The following TMEM168 variants were observed in gnomAD, a reference collection of about 807,000 sequenced individuals.
TMEM168 encodes the protein transmembrane protein 168.
TMEM168 carries 40 observed loss-of-function variants against 53.2 expected under a neutral mutation model. The observed-to-expected ratio is 0.75, with a 90% CI of 0.58 to 0.98. The LOEUF (loss-of-function observed/expected upper bound fraction) is 0.98. Among genes scored for constraint, TMEM168 ranks in the 50% least tolerant of loss-of-function variants. The pLI, the probability that TMEM168 is intolerant of heterozygous loss-of-function variation, is 0.00. For synonymous variants in TMEM168, 282 were observed against 293.0 expected (o/e 0.96, Z 0.38); for missense variants, 771 against 828.8 (o/e 0.93, Z 0.86).
At chr7:112,775,430 G>T in intron 2 of TMEM168, 112 bp from the exon 3 acceptor site, 1 of 951,536 alleles carries the variant, frequency 1.1e-6, no homozygotes, top group Non-Finnish European at 1.5e-6. Context: ...AGGATAAAAG[G>T]AACAATTAAT....
At chr7:112,773,510 AAAATTGTGTTC>A (rs1351060733) in intron 3 of TMEM168, among the ~76,000 whole-genome samples, 1 of 152,086 alleles carries the variant, frequency 6.6e-6, no homozygotes, top group Non-Finnish European at 1.5e-5. Flanking sequence ...AATAGTCAAT[AAAATTGTGTTC>A]AAATTTTATT....
At chr7:112,789,723 C>A (rs1489239944) in intron 1 of TMEM168, among the ~76,000 whole-genome samples, 1 of 152,196 alleles carries the variant, frequency 6.6e-6, no homozygotes, top group African/African-American at 2.4e-5. Context: ...AAGAACTACA[C>A]TGAAAAAACA....
chr7:112,786,245 T>C (rs779443524), intron 1 of TMEM168, among the ~76,000 whole-genome samples: 15 of 152,146 alleles, frequency 9.9e-5, no homozygotes, highest in Admixed American at 2.6e-4. Flanking sequence ...ATTAGTTTAT[T>C]TGTACTTTCT....
chr7:112,784,190 T>C lies in TMEM168; in HGVS notation c.636A>G (p.Leu212=), dbSNP rs200030600. ...IPNLVIFAVL[L]FFSSLETPKN... is the part of the protein sequence containing the mutation. ...TGGGAGTTTCCAATGAGGAAAAAAA[T>C]AACAAAACTGCAAAAATAACTAAGT... The change falls in exon 2 of 5, where the codon TTA becomes TTG. Residue 212 remains leucine, a synonymous_variant. Transcript: ENST00000312814. 1.2e-5 allele frequency: 20 copies of C among 1,613,044 alleles called. No homozygotes were observed. In the East Asian group the frequency reaches 4.2e-4, roughly 34 times the overall value.
At chr7:112,776,464 A>G (rs968004649) in intron 2 of TMEM168, among the ~76,000 whole-genome samples, 5 of 152,080 alleles carry the variant, frequency 3.3e-5, no homozygotes, top group Non-Finnish European at 7.4e-5. Context: ...GCCTAGGTGC[A>G]TGAACACATA....
At chr7:112,774,480 G>GTA (rs2116251223) in intron 3 of TMEM168, among the ~76,000 whole-genome samples, 1 of 147,294 alleles carries the variant, frequency 6.8e-6, no homozygotes, top group African/African-American at 2.5e-5. Flanking sequence ...TAGTTATAGT[G>GTA]TACCAAAGGT....
Position 112,783,700 on chromosome 7 carries a change from G to A in TMEM168, c.1126C>T (p.Gln376Ter). 6.7e-7 allele frequency: 1 copy of A among 1,489,788 alleles called. No homozygotes were observed. The highest frequency in any genetic ancestry group is 8.9e-7 in the Non-Finnish European group (1 of 1,121,462). 92.3% of individuals were successfully genotyped at this position (1,489,788 alleles called of 1,614,324 possible). A position where few individuals can be genotyped will look rare whatever the true frequency, so the allele number is the denominator to read the frequency against. Residue 376 changes from glutamine (Q) to a stop codon, truncating the protein, a stop_gained and splice_region_variant, in exon 2 of 5, where the codon CAG (glutamine) becomes TAG (stop). Coordinates refer to ENST00000312814, the MANE Select transcript of TMEM168 (RefSeq NM_022484.6). LOFTEE classifies it high-confidence loss of function. Reference protein sequence around the residue: ...ATAILGAVSWQPTNGIFLSMF... With the variant: ...ATAILGAVSW ...TGCTGGACAAACAATAAGCTTACCTGCCAGGAAACTGCTCCCAAAATCGCT... is the reference window on the plus strand; with the variant it reads ...TGCTGGACAAACAATAAGCTTACCTACCAGGAAACTGCTCCCAAAATCGCT...
intron 3 of TMEM168, among the ~76,000 whole-genome samples, chr7:112,774,870 C>T (rs899433400): frequency 6.6e-6 from 1 of 152,002 alleles, no homozygotes; most frequent in African/African-American, 2.4e-5. Context: ...TGTGAGCCAC[C>T]ACGACCAGCC....
At chr7:112,770,364 T>C (rs369574382) in intron 4 of TMEM168, among the ~76,000 whole-genome samples, 1 of 152,170 alleles carries the variant, frequency 6.6e-6, no homozygotes, top group Non-Finnish European at 1.5e-5. Context: ...GCTTTCTCTC[T>C]CTTTTTTTTA....
At position 112,785,014 on chromosome 7, in the gene TMEM168, T is replaced by C. The variant is rs1374374314; in HGVS notation, c.-128-61A>G. The C allele has an allele frequency of 5.9e-5, 26 of 439,506 alleles. No individual in the cohort carries two copies. The South Asian group carries it at 1.2e-3, about 21-fold the overall frequency. 27.2% of individuals were successfully genotyped at this position (439,506 alleles called of 1,614,324 possible). A position where few individuals can be genotyped will look rare whatever the true frequency, so the allele number is the denominator to read the frequency against. The stretch of plus-strand genomic sequence containing the variant: ...TATATAATTTACTCATTATTTTATA[T>C]AAAGATGCATATAGAAAGTGAAAAA... On this transcript the variant is annotated intron_variant, in intron 1 of 4. Coordinates refer to ENST00000312814, the MANE Select transcript of TMEM168 (RefSeq NM_022484.6).
In TMEM168 at chr7:112,765,495, A is replaced by ATTAAC. The variant is rs1195835188; in HGVS notation, c.*1697_*1701dup. 6.6e-6 allele frequency: 1 copy of ATTAAC among 152,188 alleles called. No individual in the cohort carries two copies. The highest frequency in any genetic ancestry group is 1.5e-5 in the Non-Finnish European group (1 of 68,024). The allele number at this position is 152,188 out of a possible 1,614,324, so 9.4% of individuals were successfully genotyped here. On this transcript the variant is annotated 3_prime_UTR_variant, in exon 5 of 5. Transcript: ENST00000312814. ...AATTTAAAAGGAGATTTTACTTAAC[A>ATTAAC]TTAACTTTTTTTAAGCTAAAAGCTC... is the stretch of plus-strand genomic sequence containing the variant.
rs760899014 is a variant in TMEM168, at chr7:112,783,777, C to T, written c.1049G>A (p.Arg350His). 30 of 1,585,012 alleles carry T rather than the reference C, an allele frequency of 1.9e-5. No homozygotes were observed. Among genetic ancestry groups the T allele is most frequent in the Middle Eastern group, 1.7e-4 (1 of 5,964 alleles). ...CTGCTCTGAAATCAAGCAAAAATGG[C>T]GCATCCCTTTGGATGCCATGATTCT... is the stretch of plus-strand genomic sequence containing the variant. The part of the protein sequence containing the change: ...LDRIMASKGM[R>H]HFCLISEQLV... The change falls in exon 2 of 5, where the codon CGC (arginine) becomes CAC (histidine). Residue 350 changes from arginine to histidine, a missense_variant. Transcript: ENST00000312814.
At chr7:112,776,490 G>T (rs1793087826) in intron 2 of TMEM168, among the ~76,000 whole-genome samples, 1 of 151,878 alleles carries the variant, frequency 6.6e-6, no homozygotes, top group Non-Finnish European at 1.5e-5. Context: ...AACACTAAGG[G>T]GTGGTTCACT....
rs1443859669 is a variant in TMEM168 at position 112,762,452 on chromosome 7, A to G, written c.*4745T>C. 1 of 152,038 alleles carries G rather than the reference A, an allele frequency of 6.6e-6. No individual in the cohort carries two copies. The highest frequency in any genetic ancestry group is 1.5e-5 in the Non-Finnish European group (1 of 67,906). The allele number at this position is 152,038 out of a possible 1,614,324, so 9.4% of individuals were successfully genotyped here. A position where few individuals can be genotyped will look rare whatever the true frequency, so the allele number is the denominator to read the frequency against. On this transcript the variant is annotated 3_prime_UTR_variant, in exon 5 of 5. Transcript: ENST00000312814. ...ACTTAGAAAAGTTTACTTGGCATTGAGTGAACACTGCTTGTCTAGGAAGCT... is the reference window on the plus strand; with the variant it reads ...ACTTAGAAAAGTTTACTTGGCATTGGGTGAACACTGCTTGTCTAGGAAGCT...
rs1022897346 is a variant in TMEM168 at position 112,784,812 on chromosome 7, A to G, written c.14T>C (p.Leu5Pro). Residue 5 changes from leucine to proline, a missense_variant, in exon 2 of 5, where the codon CTG (leucine) becomes CCG (proline). Coordinates refer to ENST00000312814, the MANE Select transcript of TMEM168 (RefSeq NM_022484.6). The part of the protein sequence containing the change: MCKS[L>P]RYCFSHCLYL... Reference sequence around the variant, plus strand: ...GAGACAATGACTAAAGCAATAACGCAGTGATTTACACATGTAACCAGCAAT... The same window carrying G: ...GAGACAATGACTAAAGCAATAACGCGGTGATTTACACATGTAACCAGCAAT... 1 of 1,589,648 alleles carries G rather than the reference A, an allele frequency of 6.3e-7. No homozygotes were observed. The highest frequency in any genetic ancestry group is 8.5e-7 in the Non-Finnish European group (1 of 1,172,630).
intron 2 of TMEM168, among the ~76,000 whole-genome samples, chr7:112,783,097 A>G (rs1793273461): frequency 6.6e-6 from 1 of 152,256 alleles, no homozygotes; most frequent in Non-Finnish European, 1.5e-5. Context: ...TTTGTCTACA[A>G]GAACCTTTTA....
chr7:112,768,341 C>T (rs1166628971), intron 4 of TMEM168, among the ~76,000 whole-genome samples: 2 of 152,186 alleles, frequency 1.3e-5, no homozygotes, highest in Non-Finnish European at 2.9e-5. Flanking sequence ...CAACAGGCAT[C>T]TAAACCCACA....
intron 3 of TMEM168, among the ~76,000 whole-genome samples, chr7:112,774,632 G>A (rs1793024537): frequency 6.6e-6 from 1 of 150,826 alleles, no homozygotes; most frequent in African/African-American, 2.4e-5. Context: ...CCAGGCTGGA[G>A]AGCAATGGCC....
rs191444707 is a variant in TMEM168, at chr7:112,769,662, A to G, written c.1547-1918T>C. On this transcript the variant is annotated intron_variant, in intron 4 of 4. Coordinates refer to ENST00000312814, the MANE Select transcript of TMEM168 (RefSeq NM_022484.6). ...TACATTTGGCTTTTGGCCCAGATTC[A>G]AAGTACTTACATTTATCTAAGCTAA... Among the ~76,000 whole-genome samples the G allele has an allele frequency of 2.1e-3, 314 of 152,284 alleles. 1 individual carries two copies. The highest frequency in any genetic ancestry group is 6.8e-3 in the Middle Eastern group (2 of 294).
Sources: gnomAD v4.1 joint callset for allele counts (sites outside exome capture counted in the v4.1 genomes callset) on GRCh38, gnomAD v4.1.1 for gene constraint, MANE v1.5 for transcripts, NCBI Gene and HGNC (gene_info 2026-07-23, HGNC 2026-07-21) for gene names.